Variants in CCDC141 observed in about 807,000 individuals in gnomAD.
CCDC141 encodes the protein coiled-coil domain containing 141.
In CCDC141, 168 loss-of-function variants were observed where a neutral mutation model predicts 181.0. The ratio of observed to expected loss-of-function variants is 0.93; its 90% CI spans 0.82 to 1.05. The LOEUF is 1.05. Among genes scored for constraint, CCDC141 ranks in the 50% least tolerant of loss-of-function variants. The pLI is 0.00. For synonymous variants in CCDC141, 666 were observed against 642.3 expected, an observed-to-expected ratio of 1.04 and a Z score of -0.56; for missense variants, 1,902 against 1,788.5, an observed-to-expected ratio of 1.06 and a Z score of -1.14.
chr2:179,039,084 AAAT>A (rs1278886349), intron 2 of CCDC141, among the ~76,000 whole-genome samples: 2 of 152,214 alleles, frequency 1.3e-5, no homozygotes, highest in Admixed American at 6.5e-5. Context: ...TTTTCATTAT[AAAT>A]GACTTGAATA....
intron 5 of CCDC141, among the ~76,000 whole-genome samples, chr2:178,953,674 G>T (rs144563620): frequency 2.3e-4 from 35 of 152,288 alleles, no homozygotes; most frequent in African/African-American, 8.2e-4. Context: ...CTTGGTGATA[G>T]GTTTAGTATC....
In CCDC141 at chr2:178,867,804, T is replaced by A. The variant is rs187770989; in HGVS notation, c.2574+222A>T. Among the ~76,000 whole-genome samples the A allele has an allele frequency of 4.3e-3, 658 of 152,338 alleles. 7 individuals are homozygous for A. Among genetic ancestry groups the A allele is most frequent in the African/African-American group, 0.015 (633 of 41,580 alleles). ...TATAAATACTCTTTAAAAATTTTTT[T>A]TCATGAAAATAGAGGTATTCAACAA... On this transcript the variant is annotated intron_variant, in intron 16 of 23. Transcript: ENST00000443758.
At chr2:178,984,145 AGTGG>A (rs1691588579) in intron 2 of CCDC141, among the ~76,000 whole-genome samples, 2 of 152,100 alleles carry the variant, frequency 1.3e-5, no homozygotes, top group African/African-American at 4.8e-5. Context: ...GCCAGAAGAG[AGTGG>A]GGGCCAATAG....
At chr2:178,898,520 T>C (rs551015721) in intron 8 of CCDC141, among the ~76,000 whole-genome samples, 3 of 152,284 alleles carry the variant, frequency 2.0e-5, no homozygotes, top group Admixed American at 6.5e-5. Flanking sequence ...AAAATTAAAG[T>C]GGTTATGTGA....
At chr2:179,010,749 A>T (rs2042245321) in intron 2 of CCDC141, among the ~76,000 whole-genome samples, 1 of 152,182 alleles carries the variant, frequency 6.6e-6, no homozygotes, top group African/African-American at 2.4e-5. Flanking sequence ...TTAAAAAGCA[A>T]AAACAAAAAA....
intron 20 of CCDC141, 89 bp from the exon 21 acceptor site, chr2:178,850,250 G>A: frequency 1.5e-6 from 1 of 673,118 alleles, no homozygotes; most frequent in Non-Finnish European, 2.7e-6. Flanking sequence ...CCTGTCCAGT[G>A]TAAGGGCTGA....
chr2:178,882,703 T>C (rs10183737), intron 11 of CCDC141, among the ~76,000 whole-genome samples: 55,322 of 151,700 alleles, frequency 0.36, 11,722 homozygotes, highest in East Asian at 0.83. Flanking sequence ...ATGGGAGACC[T>C]AGCTGAAGCA....
At chr2:179,002,490 C>T (rs1201434093) in intron 2 of CCDC141, 1 of 410,688 alleles carries the variant, frequency 2.4e-6, no homozygotes, top group African/African-American at 2.1e-5. Flanking sequence ...ACTTTTCAAT[C>T]TCTCTAAAAA....
chr2:179,041,172 C>T (rs925044075), intron 2 of CCDC141, among the ~76,000 whole-genome samples: 7 of 152,054 alleles, frequency 4.6e-5, no homozygotes, highest in Non-Finnish European at 8.8e-5. Context: ...CCTGGGTTCA[C>T]GCCATTTTCC....
At chr2:178,976,529 A>C (rs1356427741) in intron 3 of CCDC141, among the ~76,000 whole-genome samples, 1 of 152,202 alleles carries the variant, frequency 6.6e-6, no homozygotes, top group Non-Finnish European at 1.5e-5. Flanking sequence ...TATTAGAACA[A>C]CCTGATGGAC....
At chr2:178,888,235 C>T (rs946923511) in intron 9 of CCDC141, among the ~76,000 whole-genome samples, 2 of 152,166 alleles carry the variant, frequency 1.3e-5, no homozygotes, top group African/African-American at 4.8e-5. Flanking sequence ...AATGAAAGAT[C>T]CACTCTATTC....
At chr2:179,039,718 C>T (rs1417871294) in intron 2 of CCDC141, among the ~76,000 whole-genome samples, 2 of 152,086 alleles carry the variant, frequency 1.3e-5, no homozygotes, top group East Asian at 1.9e-4. Flanking sequence ...GTATTATTGG[C>T]TTATTGAACT....
chr2:179,048,734 A>C (rs1485428163), intron 1 of CCDC141, among the ~76,000 whole-genome samples: 1 of 152,202 alleles, frequency 6.6e-6, no homozygotes, highest in African/African-American at 2.4e-5. Flanking sequence ...AAGTCAGCAG[A>C]GGCCTGGTTC....
At chr2:178,891,668 CAAA>C (rs898340016) in intron 8 of CCDC141, among the ~76,000 whole-genome samples, 1 of 152,130 alleles carries the variant, frequency 6.6e-6, no homozygotes, top group African/African-American at 2.4e-5. Context: ...CCCTCCAGCA[CAAA>C]AAATAGGTAA....
At chr2:178,982,043 G>A (rs763436714) in intron 2 of CCDC141, among the ~76,000 whole-genome samples, 4 of 151,954 alleles carry the variant, frequency 2.6e-5, no homozygotes, top group Non-Finnish European at 5.9e-5. Context: ...TGATAACTGA[G>A]ATGAAATGGA....
intron 22 of CCDC141, among the ~76,000 whole-genome samples, chr2:178,839,538 C>A (rs1415931994): frequency 4.8e-5 from 6 of 124,196 alleles, no homozygotes; most frequent in Non-Finnish European, 9.4e-5. Context: ...CGAGATCGTG[C>A]CATTGTACCC....
intron 5 of CCDC141, among the ~76,000 whole-genome samples, chr2:178,955,854 G>A (rs1016983003): frequency 2.6e-5 from 4 of 152,192 alleles, no homozygotes; most frequent in Non-Finnish European, 4.4e-5. Context: ...AAGGGTAGCT[G>A]TTAACATTAT....
At chr2:178,818,260 C>T in the CCDC141 span, among the ~76,000 whole-genome samples, 1 of 152,124 alleles carries the variant, frequency 6.6e-6, no homozygotes, top group African/African-American at 2.4e-5. Flanking sequence ...AAAAACAAAA[C>T]CCATAAAGGT....
chr2:179,004,702 G>A (rs769250254), intron 2 of CCDC141, among the ~76,000 whole-genome samples: 1 of 152,066 alleles, frequency 6.6e-6, no homozygotes, highest in African/African-American at 2.4e-5. Context: ...TATCTAAAAT[G>A]CTTCCTAAAT....
Sources: allele counts gnomAD v4.1 joint callset (sites outside exome capture counted in the v4.1 genomes callset), GRCh38; gene constraint gnomAD v4.1.1; transcripts MANE v1.5; gene names NCBI Gene and HGNC (gene_info 2026-07-23, HGNC 2026-07-21).